The following DPYSL2 variants were observed in gnomAD, a reference collection of about 807,000 sequenced individuals.
DPYSL2 encodes the protein dihydropyrimidinase-related protein 2.
In DPYSL2, 13 loss-of-function variants were observed where a neutral mutation model predicts 69.9. The ratio of observed to expected loss-of-function variants is 0.19; its 90% confidence interval spans 0.12 to 0.30. DPYSL2 has a LOEUF of 0.30. DPYSL2 is among the 10% of genes least tolerant of loss of function. The pLI is 1.00. For missense variants in DPYSL2, 587 were observed against 918.9 expected (o/e 0.64, Z 4.67); for synonymous variants, 326 against 359.1 (o/e 0.91, Z 1.04).
chr8:26,613,934 C>T (rs1293928886), intron 3 of DPYSL2, among the ~76,000 whole-genome samples: 1 of 152,068 alleles, frequency 6.6e-6, no homozygotes, highest in Non-Finnish European at 1.5e-5. Flanking sequence ...GAGTTTGAGA[C>T]CTGCCTGGGC....
In DPYSL2 at chr8:26,624,095, G is replaced by A. The variant is rs760545025; in HGVS notation, c.629-48G>A. The A allele has an allele frequency of 5.0e-6, 8 of 1,604,920 alleles. No homozygotes were observed. The highest frequency in any genetic ancestry group is 6.0e-6 in the Non-Finnish European group (7 of 1,174,266). On this transcript the variant is annotated intron_variant, in intron 3 of 13. Coordinates refer to ENST00000521913, the MANE Select transcript of DPYSL2 (RefSeq NM_001197293.3). This position sits in a 1 kb window ranked among gnomAD's most constrained non-coding sequence, Gnocchi z 4.7. ...AGTGGGAAAATACCTGCTGGCCCAC[G>A]GCCCTTGAGGCTCTTGGTGATGATG...
rs576537195 is a variant in DPYSL2, at chr8:26,624,538, C to A, written c.793+231C>A. On this transcript the variant is annotated intron_variant, in intron 4 of 13. Coordinates refer to ENST00000521913, the MANE Select transcript of DPYSL2 (RefSeq NM_001197293.3). This position sits in a 1 kb window ranked among gnomAD's most constrained non-coding sequence, Gnocchi z 4.7. ...TGATGATAAGAGAAGATGAGGCTTACTGCTGGGACCTGTTCTTAGGTGACA... is the reference window on the plus strand; with the variant it reads ...TGATGATAAGAGAAGATGAGGCTTAATGCTGGGACCTGTTCTTAGGTGACA... Among the ~76,000 whole-genome samples the A allele has an allele frequency of 2.0e-5, 3 of 152,206 alleles. No individual in the cohort carries two copies. Among genetic ancestry groups the A allele is most frequent in the Non-Finnish European group, 2.9e-5 (2 of 68,044 alleles).
chr8:26,607,935 G>C (rs1241584902), intron 3 of DPYSL2, among the ~76,000 whole-genome samples: 1 of 151,848 alleles, frequency 6.6e-6, no homozygotes, highest in African/African-American at 2.4e-5. Context: ...AAATTAGCCG[G>C]GCATAGTGGC....
Position 26,556,259 on chromosome 8 carries a change from TAC to T in DPYSL2, c.355-25709_355-25708del, listed in dbSNP as rs1261666423. Among the ~76,000 whole-genome samples, 4 of 6,856 alleles carry T rather than the reference TAC, an allele frequency of 5.8e-4. 1 individual carries two copies. Among genetic ancestry groups the T allele is most frequent in the African/African-American group, 1.3e-3 (4 of 3,034 alleles). 4.5% of individuals were successfully genotyped at this position (6,856 alleles called of 152,430 possible). ...TTATATAATATATATAGTATATATATACTATAGTATATATAGTATTTATATAA... is the reference window on the plus strand; with the variant it reads ...TTATATAATATATATAGTATATATATTATAGTATATATAGTATTTATATAA... On this transcript the variant is annotated intron_variant, in intron 1 of 13. Coordinates refer to ENST00000521913, the MANE Select transcript of DPYSL2 (RefSeq NM_001197293.3).
At chr8:26,623,486 T>A (rs1039693170) in intron 3 of DPYSL2, among the ~76,000 whole-genome samples, 1 of 152,174 alleles carries the variant, frequency 6.6e-6, no homozygotes, top group African/African-American at 2.4e-5. Context: ...CAGGACACCA[T>A]GCAGGTGAAT....
chr8:26,567,292 T>TCCATCCATCCAC (rs1193047692), intron 1 of DPYSL2, among the ~76,000 whole-genome samples: 6 of 150,200 alleles, frequency 4.0e-5, no homozygotes, highest in Admixed American at 2.6e-4. Flanking sequence ...CATCCATCCA[T>TCCATCCATCCAC]CCACCCACCA....
chr8:26,567,262 C>T (rs1217685873), intron 1 of DPYSL2, among the ~76,000 whole-genome samples: 2 of 149,050 alleles, frequency 1.3e-5, no homozygotes, highest in African/African-American at 5.0e-5. Context: ...ATCCACCACC[C>T]ATTCATTTAT....
chr8:26,565,713 G>C lies in DPYSL2; in HGVS notation c.355-16256G>C, dbSNP rs959989569. 6.6e-6 allele frequency among the ~76,000 whole-genome samples: 1 copy of C among 152,330 alleles called. No individual in the cohort carries two copies. Among genetic ancestry groups the C allele is most frequent in the African/African-American group, 2.4e-5 (1 of 41,574 alleles). On this transcript the variant is annotated intron_variant, in intron 1 of 13. Transcript: ENST00000521913. The surrounding 1 kb of genome is among the most constrained non-coding windows in gnomAD (Gnocchi z 4.1). ...ACTCGAGCACAAAAGGAGTTTATTT[G>C]TATATCACATAATAGTTCAAGGTGG...
At chr8:26,547,669 G>T (rs78025765) in intron 1 of DPYSL2, 12,205 of 166,322 alleles carry the variant, frequency 0.073, 568 homozygotes, top group South Asian at 0.23. Flanking sequence ...AAAGAATCAG[G>T]ACTAGCCAGG....
chr8:26,570,773 C>T (rs1404689862), intron 1 of DPYSL2, among the ~76,000 whole-genome samples: 2 of 150,390 alleles, frequency 1.3e-5, no homozygotes. Flanking sequence ...AAGAACTAGC[C>T]CCTTGGGCTT....
chr8:26,536,044 T>G (rs1289628524), intron 1 of DPYSL2, among the ~76,000 whole-genome samples: 4 of 151,170 alleles, frequency 2.6e-5, no homozygotes, highest in Admixed American at 6.6e-5. Flanking sequence ...GCCTCAGCCT[T>G]CCAAGTGGCT....
chr8:26,577,702 C>T, intron 1 of DPYSL2: 1 of 693,324 alleles, frequency 1.4e-6, no homozygotes. Flanking sequence ...CGCCCCGGCC[C>T]GAAGAAAGCG....
chr8:26,586,991 C>T lies in DPYSL2; in HGVS notation c.628+3008C>T, dbSNP rs1207261859. Among the ~76,000 whole-genome samples, 1 of 152,204 alleles carries T rather than the reference C, an allele frequency of 6.6e-6. No homozygotes were observed. The highest frequency in any genetic ancestry group is 1.5e-5 in the Non-Finnish European group (1 of 68,040). On this transcript the variant is annotated intron_variant, in intron 3 of 13. Coordinates refer to ENST00000521913, the MANE Select transcript of DPYSL2 (RefSeq NM_001197293.3). The surrounding 1 kb of genome is among the most constrained non-coding windows in gnomAD (Gnocchi z 4.7). ...TACTAACTACTTTTGCAAATAACCA[C>T]CTATGTTTACTGACCTCTGTAGAAT...
intron 7 of DPYSL2, among the ~76,000 whole-genome samples, chr8:26,634,543 A>G (rs1262352831): frequency 6.6e-6 from 1 of 150,946 alleles, no homozygotes; most frequent in Non-Finnish European, 1.5e-5. Context: ...CAGCCTCCCA[A>G]AGTGCTGGGA....
chr8:26,575,568 A>G (rs1801313742), intron 1 of DPYSL2, among the ~76,000 whole-genome samples: 1 of 152,188 alleles, frequency 6.6e-6, no homozygotes, highest in Non-Finnish European at 1.5e-5. Context: ...TTTATACCTT[A>G]CATTTTTGGA....
chr8:26,601,583 T>G (rs1236400545), intron 3 of DPYSL2, among the ~76,000 whole-genome samples: 1 of 152,096 alleles, frequency 6.6e-6, no homozygotes, highest in Non-Finnish European at 1.5e-5. Context: ...TTCACCGTTT[T>G]AGCCAGGATG....
intron 3 of DPYSL2, among the ~76,000 whole-genome samples, chr8:26,596,496 G>C (rs1801864442): frequency 6.6e-6 from 1 of 152,222 alleles, no homozygotes. Context: ...CCTCTCCACA[G>C]ACCTGCCGGG....
At chr8:26,521,360 A>G (rs1247482626) in intron 1 of DPYSL2, among the ~76,000 whole-genome samples, 7 of 152,014 alleles carry the variant, frequency 4.6e-5, no homozygotes, top group Non-Finnish European at 7.4e-5. Flanking sequence ...TGACTGTGTG[A>G]CCTGCACAGT....
intron 3 of DPYSL2, among the ~76,000 whole-genome samples, chr8:26,616,890 G>A (rs975961771): frequency 6.6e-6 from 1 of 151,932 alleles, no homozygotes; most frequent in Non-Finnish European, 1.5e-5. Context: ...TATTCCACGT[G>A]TGTAATCCCA....
Sources: allele counts gnomAD v4.1 joint callset (sites outside exome capture counted in the v4.1 genomes callset), GRCh38; gene constraint gnomAD v4.1.1; non-coding constraint Gnocchi (gnomAD v3.1); transcripts MANE v1.5; gene names NCBI Gene and HGNC (gene_info 2026-07-23, HGNC 2026-07-21).